The following KMT2C variants were observed in gnomAD, a reference collection of about 807,000 sequenced individuals.
KMT2C encodes the protein lysine methyltransferase 2C, also known as histone-lysine N-methyltransferase 2C.
A neutral mutation model predicts 507.9 loss-of-function variants in KMT2C; 88 were observed. The observed-to-expected ratio is 0.17, with a 90% confidence interval of 0.15 to 0.21. The LOEUF is 0.21. KMT2C is among the 10% of genes least tolerant of loss of function. The pLI is 1.00. For missense variants in KMT2C, 4,954 were observed against 5,957.8 expected (o/e 0.83, Z 5.55); for synonymous variants, 2,049 against 2,080.8 (o/e 0.98, Z 0.42).
intron 3 of KMT2C, among the ~76,000 whole-genome samples, chr7:152,316,106 G>C (rs534802031): frequency 1.0e-3 from 158 of 152,128 alleles, no homozygotes; most frequent in Admixed American, 2.1e-3. Flanking sequence ...AACTTAAATA[G>C]TTCCTGGGTT....
At chr7:152,178,483 G>C (rs1210110145) in intron 37 of KMT2C, among the ~76,000 whole-genome samples, 1 of 152,166 alleles carries the variant, frequency 6.6e-6, no homozygotes, top group Non-Finnish European at 1.5e-5. Flanking sequence ...GCACAGGTTT[G>C]ATGATGGGAT....
chr7:152,145,064 G>T, intron 54 of KMT2C, 89 bp downstream of exon 54: 3 of 1,503,796 alleles, frequency 2.0e-6, no homozygotes, highest in Non-Finnish European at 2.7e-6. Context: ...AGACAGCAGG[G>T]TTTGTAAGCA....
At chr7:152,367,709 A>G in intron 1 of KMT2C, 1 of 1,266,316 alleles carries the variant, frequency 7.9e-7, no homozygotes. Context: ...TTGGAGATGT[A>G]GTGGATAATA....
chr7:152,433,516 C>T (rs1265893114), intron 1 of KMT2C, among the ~76,000 whole-genome samples: 1 of 151,758 alleles, frequency 6.6e-6, no homozygotes, highest in Non-Finnish European at 1.5e-5. Context: ...GACACAATTT[C>T]AAAAAAAACG....
At chr7:152,355,285 A>C (rs537983548) in intron 2 of KMT2C, among the ~76,000 whole-genome samples, 5 of 152,332 alleles carry the variant, frequency 3.3e-5, no homozygotes, top group African/African-American at 1.2e-4. Context: ...TTTCAGGATA[A>C]CAACAAAAAT....
At chr7:152,182,665 A>ATG in intron 35 of KMT2C, 71 bp from the exon 36 acceptor site, 3 of 1,333,652 alleles carry the variant, frequency 2.2e-6, no homozygotes, top group Non-Finnish European at 3.1e-6. Context: ...GGGGGGAAAA[A>ATG]GCAACAGAAA....
intron 6 of KMT2C, among the ~76,000 whole-genome samples, chr7:152,303,689 A>G (rs2096591450): frequency 6.6e-6 from 1 of 152,116 alleles, no homozygotes; most frequent in South Asian, 2.1e-4. Context: ...GTTAAGTTAC[A>G]TAAAGGAGAT....
intron 6 of KMT2C, among the ~76,000 whole-genome samples, chr7:152,290,079 AACAACC>A (rs1222273974): frequency 6.6e-6 from 1 of 150,570 alleles, no homozygotes; most frequent in Non-Finnish European, 1.5e-5. Context: ...AACAAACAAA[AACAACC>A]GTATCAATAG....
rs779232648 is a variant in KMT2C at position 152,315,211 on chromosome 7, T to C, written c.517A>G (p.Ile173Val). The C allele has an allele frequency of 1.7e-5, 27 of 1,613,920 alleles. No individual in the cohort carries two copies. The highest frequency in any genetic ancestry group is 1.7e-5 in the Admixed American group (1 of 60,002). ...TAGGTTCCATTGCTGTTGTCATCAATGTCCTTCTTGTTAGAAGGTTGGTTT... is the reference window on the plus strand; with the variant it reads ...TAGGTTCCATTGCTGTTGTCATCAACGTCCTTCTTGTTAGAAGGTTGGTTT... ...WRNQPSNKKD[I>V]DDNSNGTYEK... is the part of the protein sequence containing the mutation. The change falls in exon 4 of 59, where the codon ATT (isoleucine) becomes GTT (valine). Residue 173 changes from isoleucine to valine, a missense_variant. This residue lies in a region of KMT2C where 233 missense variants were observed against 263.6 expected (regional missense o/e 0.88). Transcript: ENST00000262189.
chr7:152,368,346 T>C, intron 1 of KMT2C: 1 of 1,185,874 alleles, frequency 8.4e-7, no homozygotes, highest in Middle Eastern at 2.7e-4. Flanking sequence ...GGCAGCTGAC[T>C]AAGAGCCCTC....
At chr7:152,274,257 TTTTA>T (rs2096035424) in intron 6 of KMT2C, among the ~76,000 whole-genome samples, 1 of 151,242 alleles carries the variant, frequency 6.6e-6, no homozygotes, top group South Asian at 2.1e-4. Flanking sequence ...GGAACATATA[TTTTA>T]TTTATGAGAC....
chr7:152,307,123 T>G (rs1419717020), intron 6 of KMT2C, among the ~76,000 whole-genome samples: 3 of 146,252 alleles, frequency 2.1e-5, no homozygotes. Context: ...ATGCCACTGC[T>G]CTCCAGCCTG....
intron 8 of KMT2C, among the ~76,000 whole-genome samples, chr7:152,263,850 A>G (rs1257631339): frequency 1.3e-5 from 2 of 152,176 alleles, no homozygotes; most frequent in Admixed American, 6.5e-5. Flanking sequence ...ATTTTTGACT[A>G]TAATCACTTT....
chr7:152,347,392 G>A (rs1305062505), intron 2 of KMT2C, among the ~76,000 whole-genome samples: 2 of 152,182 alleles, frequency 1.3e-5, no homozygotes, highest in African/African-American at 4.8e-5. Flanking sequence ...TTATAGCACT[G>A]CACTGAACAT....
intron 2 of KMT2C, among the ~76,000 whole-genome samples, chr7:152,338,713 C>T (rs2096961705): frequency 6.6e-6 from 1 of 152,150 alleles, no homozygotes; most frequent in Non-Finnish European, 1.5e-5. Flanking sequence ...GATACAAAAT[C>T]GGGTTGTGTA....
rs2129113062 is a variant in KMT2C at position 152,176,447 on chromosome 7, G to C, written c.9006C>G (p.His3002Gln). ...GLIPGQSTVNHSLGTGKPATQ... is the reference protein window; with the variant it reads ...GLIPGQSTVNQSLGTGKPATQ... ...TTGCAGGTTTTCCTGTCCCCAGACTGTGGTTAACTGTTGATTGACCTGGAA... is the reference window on the plus strand; with the variant it reads ...TTGCAGGTTTTCCTGTCCCCAGACTCTGGTTAACTGTTGATTGACCTGGAA... The change falls in exon 38 of 59, where the codon CAC (histidine) becomes CAG (glutamine). Residue 3002 changes from histidine (H) to glutamine (Q), a missense_variant. His to Gln is a conservative substitution (Grantham distance 24). Transcript: ENST00000262189. 1 of 1,614,204 alleles carries C rather than the reference G, an allele frequency of 6.2e-7. No individual in the cohort carries two copies. The highest frequency in any genetic ancestry group is 8.5e-7 in the Non-Finnish European group (1 of 1,180,046).
chr7:152,151,607 A>G (rs756525156), intron 49 of KMT2C, 26 bp from the exon 50 acceptor site: 13 of 1,606,276 alleles, frequency 8.1e-6, no homozygotes, highest in African/African-American at 1.3e-5. Context: ...TTTTGTTAGT[A>G]ATTAAAACTG....
At chr7:152,394,637 TC>T (rs2116571824) in intron 1 of KMT2C, among the ~76,000 whole-genome samples, 1 of 152,298 alleles carries the variant, frequency 6.6e-6, no homozygotes, top group African/African-American at 2.4e-5. Flanking sequence ...AAACTTAACA[TC>T]TTCTGACAAT....
chr7:152,176,975 T>G lies in KMT2C; in HGVS notation c.8478A>C (p.Val2826=), dbSNP rs751042088. 1.2e-6 allele frequency: 2 copies of G among 1,613,990 alleles called. No individual in the cohort carries two copies. The highest frequency in any genetic ancestry group is 2.7e-5 in the African/African-American group (2 of 74,934). The change falls in exon 38 of 59, where the codon GTA becomes GTC. Residue 2826 remains valine (V), a synonymous_variant. Coordinates refer to ENST00000262189, the MANE Select transcript of KMT2C (RefSeq NM_170606.3). ...STVTNEVKTE[V]LSPNSKVESK... ...ATTCCACCTTAGAATTTGGAGACAG[T>G]ACTTCCGTTTTTACCTCATTGGTAA...
Sources: allele counts gnomAD v4.1 joint callset (sites outside exome capture counted in the v4.1 genomes callset), GRCh38; gene constraint gnomAD v4.1.1; regional missense constraint gnomAD v4.1.1; transcripts MANE v1.5; gene names NCBI Gene and HGNC (gene_info 2026-07-23, HGNC 2026-07-21).